Variants in FAM131A observed in about 807,000 individuals in gnomAD.
The protein encoded by FAM131A is protein FAM131A.
Under a neutral mutation model 39.2 loss-of-function variants are expected in FAM131A, and 24 were observed. That is an observed-to-expected ratio of 0.61 (90% confidence interval 0.44 to 0.86). The LOEUF (loss-of-function observed/expected upper bound fraction) is 0.86. FAM131A is among the 40% of genes least tolerant of loss of function. The pLI is 0.00. For missense variants in FAM131A, 373 were observed against 481.2 expected (o/e 0.78, Z 2.10); for synonymous variants, 202 against 206.8 (o/e 0.98, Z 0.20).
At position 184,342,710 on chromosome 3, in the gene FAM131A, C is replaced by A. The variant is rs751024706; in HGVS notation, c.509-34C>A. ...CAAGCTGAGCCCTAGACTTAGCTCACCTTCTCTGCTTATGCATTCTGTCCC... is the reference window on the plus strand; with the variant it reads ...CAAGCTGAGCCCTAGACTTAGCTCAACTTCTCTGCTTATGCATTCTGTCCC... On this transcript the variant is annotated intron_variant, in intron 4 of 5. Coordinates refer to ENST00000383847, the MANE Select transcript of FAM131A (RefSeq NM_144635.5). This position sits in a 1 kb window ranked among gnomAD's most constrained non-coding sequence, Gnocchi z 4.6. The A allele has an allele frequency of 1.3e-6, 2 of 1,579,336 alleles. No homozygotes were observed. The highest frequency in any genetic ancestry group is 1.7e-4 in the Middle Eastern group (1 of 5,980).
Position 184,342,192 on chromosome 3 carries a change from C to G in FAM131A, c.452C>G (p.Ala151Gly), listed in dbSNP as rs750961455. ...PSDSPAALESAFSSYSDLSEG... is the reference protein window; with the variant it reads ...PSDSPAALESGFSSYSDLSEG... ...GACTCACCTGCTGCCCTGGAATCAGCCTTTTCCTCCTATTCAGACCTCAGC... is the reference window on the plus strand; with the variant it reads ...GACTCACCTGCTGCCCTGGAATCAGGCTTTTCCTCCTATTCAGACCTCAGC... Residue 151 changes from alanine (A) to glycine (G), a missense_variant, in exon 4 of 6, where the codon GCC becomes GGC. By Grantham distance (60) the Ala-to-Gly change is moderately conservative (BLOSUM62 0). Around this residue, in one of 2 missense-constraint regions of FAM131A, gnomAD observed 221 missense variants for 347.7 expected, o/e 0.64. Coordinates refer to ENST00000383847, the MANE Select transcript of FAM131A (RefSeq NM_144635.5). This position sits in a 1 kb window ranked among gnomAD's most constrained non-coding sequence, Gnocchi z 4.6. 1.2e-6 allele frequency: 2 copies of G among 1,614,214 alleles called. No individual in the cohort carries two copies. The highest frequency in any genetic ancestry group is 8.5e-7 in the Non-Finnish European group (1 of 1,180,006).
upstream of FAM131A, chr3:184,336,132 C>G (rs1727069196): frequency 6.7e-6 from 1 of 149,720 alleles, no homozygotes; most frequent in African/African-American, 2.4e-5. This position sits in a 1 kb window ranked among gnomAD's most constrained non-coding sequence, Gnocchi z 5.5. Flanking sequence ...GGGTAAGAGG[C>G]GGAGGCCGGG....
At chr3:184,338,765 CG>C in intron 2 of FAM131A, 1 of 496,278 alleles carries the variant, frequency 2.0e-6, no homozygotes, top group South Asian at 2.6e-5. Flanking sequence ...GGCCGTATCC[CG>C]GGAGACCCTG....
intron 1 of FAM131A, 134 bp downstream of exon 1, chr3:184,337,852 C>T: frequency 2.4e-6 from 2 of 826,504 alleles, no homozygotes; most frequent in Non-Finnish European, 3.8e-6. Flanking sequence ...CAGGCTGGGG[C>T]CAGACAGGGC....
In FAM131A at chr3:184,345,096, G is replaced by A. The variant is rs926183999; in HGVS notation, c.*126G>A. On this transcript the variant is annotated 3_prime_UTR_variant, in exon 6 of 6. Transcript: ENST00000383847. ...GCCTAGAGGGCTCCTGGGAGCGCTC[G>A]CTTCTCCGTTGTGTGTTTTGCATGA... is the stretch of plus-strand genomic sequence containing the variant. 1.0e-5 allele frequency: 9 copies of A among 898,176 alleles called. No individual in the cohort carries two copies. The highest frequency in any genetic ancestry group is 6.7e-5 in the African/African-American group (4 of 59,352). 55.6% of individuals were successfully genotyped at this position (898,176 alleles called of 1,614,324 possible).
At chr3:184,337,526 TG>T, upstream of FAM131A, 1 of 980,560 alleles carries the variant, frequency 1.0e-6, no homozygotes, top group Non-Finnish European at 1.5e-6. Context: ...AGGTTCCAAA[TG>T]GGGAGGGGAC....
intron 5 of FAM131A, among the ~76,000 whole-genome samples, chr3:184,343,571 C>G (rs1358145813): frequency 6.6e-6 from 1 of 152,224 alleles, no homozygotes; most frequent in Non-Finnish European, 1.5e-5. Context: ...CATCCCATAC[C>G]CCTCCAGTGA....
In FAM131A at chr3:184,337,694, T is replaced by C. The variant is rs1020310001; in HGVS notation, c.64T>C (p.Trp22Arg). The change falls in exon 1 of 6, where the codon TGG (tryptophan) becomes CGG (arginine). Residue 22 changes from tryptophan (W) to arginine (R), a missense_variant. By Grantham distance (101) the Trp-to-Arg change is moderately radical. Around this residue, in one of 2 missense-constraint regions of FAM131A, gnomAD observed 221 missense variants for 347.7 expected, o/e 0.64. Coordinates refer to ENST00000383847, the MANE Select transcript of FAM131A (RefSeq NM_144635.5). ...GCAGCGTGAAGGGCCTGGAGGACGA[T>C]GGACTTGTCAGACAAGTCGCAGAGG... The part of the protein sequence containing the change: ...LWQREGPGGR[W>R]TCQTSRRVSS... 1 of 1,537,278 alleles carries C rather than the reference T, an allele frequency of 6.5e-7. No individual in the cohort carries two copies. The highest frequency in any genetic ancestry group is 8.7e-7 in the Non-Finnish European group (1 of 1,146,914).
chr3:184,336,267 G>A (rs1727082910), upstream of FAM131A: 1 of 152,508 alleles, frequency 6.6e-6, no homozygotes, highest in Non-Finnish European at 1.5e-5. This position sits in a 1 kb window ranked among gnomAD's most constrained non-coding sequence, Gnocchi z 5.5. Context: ...GGCAACAGGA[G>A]GGAGCGGGAA....
Position 184,345,968 on chromosome 3 carries a change from CTGAA to C in FAM131A, c.*1003_*1006del, listed in dbSNP as rs879705032. On this transcript the variant is annotated 3_prime_UTR_variant, in exon 6 of 6. Transcript: ENST00000383847. ...AGGAAAGAAGGTAGAGCCTTTCTGT[CTGAA>C]TGAAAGGCCAAGGCTACAGTACAGG... 18 of 252,286 alleles carry C rather than the reference CTGAA, an allele frequency of 7.1e-5. No homozygotes were observed. Among genetic ancestry groups the C allele is most frequent in the Non-Finnish European group, 1.2e-4 (16 of 132,208 alleles). 15.6% of individuals were successfully genotyped at this position (252,286 alleles called of 1,614,324 possible).
In FAM131A at chr3:184,342,301, T is replaced by C; in HGVS notation, c.508+53T>C. 22 of 1,505,880 alleles carry C rather than the reference T, an allele frequency of 1.5e-5. No homozygotes were observed. Among genetic ancestry groups the C allele is most frequent in the Non-Finnish European group, 1.9e-5 (22 of 1,133,112 alleles). The allele number at this position is 1,505,880 out of a possible 1,614,324, so 93.3% of individuals were successfully genotyped here. A position where few individuals can be genotyped will look rare whatever the true frequency, so the allele number is the denominator to read the frequency against. On this transcript the variant is annotated intron_variant, in intron 4 of 5. Transcript: ENST00000383847. This position sits in a 1 kb window ranked among gnomAD's most constrained non-coding sequence, Gnocchi z 4.6. ...ACTCTTGGCACAGGGCTGCTTTCTTTCTTTATTTTATTTAATTTTTTTTTG... is the reference window on the plus strand; with the variant it reads ...ACTCTTGGCACAGGGCTGCTTTCTTCCTTTATTTTATTTAATTTTTTTTTG...
Position 184,344,487 on chromosome 3 carries a change from C to T in FAM131A, c.626-8C>T, listed in dbSNP as rs765067624. On this transcript the variant is annotated splice_region_variant and splice_polypyrimidine_tract_variant and intron_variant, in intron 5 of 5. Transcript: ENST00000383847. Reference sequence around the variant, plus strand: ...GCAGGACTGTCTTCTTTTCTCTTCTCCTCACAGACATGGCTGGGCAGCTGC... The same window carrying T: ...GCAGGACTGTCTTCTTTTCTCTTCTTCTCACAGACATGGCTGGGCAGCTGC... 2.6e-6 allele frequency: 4 copies of T among 1,517,790 alleles called. No individual in the cohort carries two copies. In the South Asian group the frequency reaches 4.0e-5, roughly 15 times the overall value. 94.0% of individuals were successfully genotyped at this position (1,517,790 alleles called of 1,614,324 possible). A position where few individuals can be genotyped will look rare whatever the true frequency, so the allele number is the denominator to read the frequency against.
Position 184,344,881 on chromosome 3 carries a change from A to T in FAM131A, c.1012A>T (p.Ser338Cys). 2 of 1,610,604 alleles carry T rather than the reference A, an allele frequency of 1.2e-6. No individual in the cohort carries two copies. The highest frequency in any genetic ancestry group is 1.7e-6 in the Non-Finnish European group (2 of 1,179,836). Reference sequence around the variant, plus strand: ...GCCACTCTGCCCACCACTAACGGGCAGCTGGGAACGGCAGCGGCAAGCCTC... The same window carrying T: ...GCCACTCTGCCCACCACTAACGGGCTGCTGGGAACGGCAGCGGCAAGCCTC... The part of the protein sequence containing the change: ...CQPLCPPLTG[S>C]WERQRQASDL... The change falls in exon 6 of 6, where the codon AGC (serine) becomes TGC (cysteine). Residue 338 changes from serine to cysteine, a missense_variant. Ser to Cys is a moderately radical substitution (Grantham distance 112, BLOSUM62 -1). Coordinates refer to ENST00000383847, the MANE Select transcript of FAM131A (RefSeq NM_144635.5).
intron 5 of FAM131A, 95 bp from the exon 6 acceptor site, chr3:184,344,400 G>A (rs559110005): frequency 8.3e-7 from 1 of 1,203,240 alleles, no homozygotes; most frequent in Non-Finnish European, 1.2e-6. Context: ...CACCCCTAGA[G>A]CTATGCCAGG....
chr3:184,342,965 G>GAGGGAC lies in FAM131A; in HGVS notation c.625+108_625+113dup. ...CTCTCAGCCTTTGCAAGGGGAGGGA[G>GAGGGAC]AGGGACAGACTCAGTCCAGGCAGGC... On this transcript the variant is annotated intron_variant, in intron 5 of 5. Transcript: ENST00000383847. This position sits in a 1 kb window ranked among gnomAD's most constrained non-coding sequence, Gnocchi z 4.6. 1 of 999,162 alleles carries GAGGGAC rather than the reference G, an allele frequency of 1.0e-6. No individual in the cohort carries two copies. The highest frequency in any genetic ancestry group is 1.6e-6 in the Non-Finnish European group (1 of 642,420). The allele number at this position is 999,162 out of a possible 1,614,324, so 61.9% of individuals were successfully genotyped here.
Position 184,342,660 on chromosome 3 carries a change from C to A in FAM131A, c.509-84C>A. 1 of 1,243,770 alleles carries A rather than the reference C, an allele frequency of 8.0e-7. No individual in the cohort carries two copies. Among genetic ancestry groups the A allele is most frequent in the Non-Finnish European group, 1.2e-6 (1 of 869,336 alleles). The allele number at this position is 1,243,770 out of a possible 1,614,324, so 77.0% of individuals were successfully genotyped here. On this transcript the variant is annotated intron_variant, in intron 4 of 5. Transcript: ENST00000383847. This position sits in a 1 kb window ranked among gnomAD's most constrained non-coding sequence, Gnocchi z 4.6. Reference sequence around the variant, plus strand: ...ACATGGGGGTTGGAGTCTTCCCATACCCTGTTTCTCCTCTCTCCTGTCTTC... The same window carrying A: ...ACATGGGGGTTGGAGTCTTCCCATAACCTGTTTCTCCTCTCTCCTGTCTTC...
At chr3:184,343,375 G>T (rs1361021847) in intron 5 of FAM131A, among the ~76,000 whole-genome samples, 1 of 152,228 alleles carries the variant, frequency 6.6e-6, no homozygotes, top group Admixed American at 6.5e-5. Context: ...TTGCATTCCA[G>T]CCCGTGGGCC....
chr3:184,341,972 A>T, intron 3 of FAM131A, 94 bp from the exon 4 acceptor site: 2 of 1,546,022 alleles, frequency 1.3e-6, no homozygotes, highest in Non-Finnish European at 1.8e-6. Flanking sequence ...AAAGGTTCAC[A>T]TGGATCCTAA....
intron 1 of FAM131A, 44 bp downstream of exon 1, chr3:184,337,762 G>A: frequency 2.8e-5 from 42 of 1,519,964 alleles, no homozygotes; most frequent in Non-Finnish European, 3.5e-5. Flanking sequence ...ATGATGGGAA[G>A]CTGAGCAGTA....
Sources: gnomAD v4.1 joint callset for allele counts (sites outside exome capture counted in the v4.1 genomes callset) on GRCh38, gnomAD v4.1.1 for gene constraint, gnomAD v4.1.1 regional missense constraint, Gnocchi (gnomAD v3.1) non-coding constraint, MANE v1.5 for transcripts, NCBI Gene and HGNC (gene_info 2026-07-23, HGNC 2026-07-21) for gene names.